Variants in LDLRAD4 observed in about 807,000 individuals in gnomAD.
LDLRAD4 encodes the protein low density lipoprotein receptor class A domain containing 4, also known as low-density lipoprotein receptor class A domain-containing protein 4.
A neutral mutation model predicts 17.0 loss-of-function variants in LDLRAD4; 5 were observed. That is an observed-to-expected ratio of 0.29 (90% CI 0.15 to 0.62). The LOEUF is 0.62. Among genes scored for constraint, LDLRAD4 ranks in the 20% least tolerant of loss-of-function variants. LDLRAD4 has a pLI of 0.84. For synonymous variants in LDLRAD4, 168 were observed against 171.8 expected (o/e 0.98, Z 0.17); for missense variants, 340 against 424.7 (o/e 0.80, Z 1.75).
At chr18:13,406,523 G>A (rs1209033393) in intron 2 of LDLRAD4, among the ~76,000 whole-genome samples, 1 of 152,114 alleles carries the variant, frequency 6.6e-6, no homozygotes, top group Admixed American at 6.5e-5. Context: ...TCGATGCCGT[G>A]GTGCGCATGA....
At chr18:13,234,523 G>C (rs1467995825) in intron 1 of LDLRAD4, among the ~76,000 whole-genome samples, 1 of 152,180 alleles carries the variant, frequency 6.6e-6, no homozygotes. Flanking sequence ...GAGGATGGTG[G>C]GCAGGTCCAC....
At chr18:13,587,563 C>A (rs2094952509) in intron 3 of LDLRAD4, among the ~76,000 whole-genome samples, 1 of 152,220 alleles carries the variant, frequency 6.6e-6, no homozygotes, top group African/African-American at 2.4e-5. Context: ...CAGGCTTAGA[C>A]AATTTCAATT....
chr18:13,279,857 C>T (rs1198835834), intron 1 of LDLRAD4: 1 of 152,260 alleles, frequency 6.6e-6, no homozygotes, highest in Non-Finnish European at 1.5e-5. Flanking sequence ...GTCGTAAGAA[C>T]TTTCACACCT....
chr18:13,453,879 C>T (rs933327775), intron 3 of LDLRAD4, among the ~76,000 whole-genome samples: 1 of 152,240 alleles, frequency 6.6e-6, no homozygotes, highest in Non-Finnish European at 1.5e-5. Context: ...TCTAGCACCT[C>T]GTGGCGCCTT....
intron 3 of LDLRAD4, among the ~76,000 whole-genome samples, chr18:13,569,175 GC>G (rs1437754927): frequency 6.6e-6 from 1 of 152,160 alleles, no homozygotes; most frequent in Non-Finnish European, 1.5e-5. Context: ...CTAGAGAAGC[GC>G]CCTTTGCCCT....
At chr18:13,555,294 A>G (rs977386635) in intron 3 of LDLRAD4, among the ~76,000 whole-genome samples, 2 of 152,210 alleles carry the variant, frequency 1.3e-5, no homozygotes, top group African/African-American at 4.8e-5. Context: ...AAGAGGAAAG[A>G]ATGTCATTCA....
chr18:13,402,231 T>C (rs2145537492), intron 2 of LDLRAD4, among the ~76,000 whole-genome samples: 1 of 152,362 alleles, frequency 6.6e-6, no homozygotes. Flanking sequence ...TCCTGGTTTC[T>C]GTGCAGGTGT....
At chr18:13,389,619 A>G (rs566503413) in intron 2 of LDLRAD4, among the ~76,000 whole-genome samples, 2 of 152,328 alleles carry the variant, frequency 1.3e-5, no homozygotes, top group Admixed American at 6.5e-5. Context: ...TGCCCTGACC[A>G]TGGACCTGAC....
chr18:13,508,955 A>G (rs1190535829), intron 3 of LDLRAD4, among the ~76,000 whole-genome samples: 1 of 152,224 alleles, frequency 6.6e-6, no homozygotes, highest in Non-Finnish European at 1.5e-5. Context: ...TCTGAAAAGG[A>G]TTCCTCATTC....
intron 3 of LDLRAD4, chr18:13,526,303 C>G (rs2094030953): frequency 2.0e-5 from 3 of 152,114 alleles, no homozygotes; most frequent in Non-Finnish European, 4.4e-5. Flanking sequence ...CCCGGATAAG[C>G]TGGGGCATGT....
intron 2 of LDLRAD4, among the ~76,000 whole-genome samples, chr18:13,432,702 T>G (rs982673350): frequency 3.3e-5 from 5 of 152,214 alleles, no homozygotes; most frequent in African/African-American, 1.2e-4. Flanking sequence ...ATTTTCCATC[T>G]TCACTGAATT....
intron 3 of LDLRAD4, among the ~76,000 whole-genome samples, chr18:13,582,703 A>G (rs1263319416): frequency 6.6e-6 from 1 of 151,980 alleles, no homozygotes; most frequent in Admixed American, 6.6e-5. Context: ...CTCTGCACTT[A>G]TTTATTTATT....
intron 3 of LDLRAD4, among the ~76,000 whole-genome samples, chr18:13,582,086 G>A (rs866653582): frequency 1.4e-4 from 22 of 152,098 alleles, no homozygotes; most frequent in Non-Finnish European, 1.2e-4. Flanking sequence ...TAGCTCTCAT[G>A]CATCTGTAAT....
At position 13,321,340 on chromosome 18, in the gene LDLRAD4, T is replaced by C. The variant is rs117497091; in HGVS notation, c.-383+43152T>C. On this transcript the variant is annotated intron_variant, in intron 1 of 5. Coordinates refer to ENST00000359446, the Ensembl canonical transcript of LDLRAD4. ...TAGCTGCAAACGTTTCCAAAGCCTATCTCTGGGCCTATCGCCGTGTGATGT... is the reference window on the plus strand; with the variant it reads ...TAGCTGCAAACGTTTCCAAAGCCTACCTCTGGGCCTATCGCCGTGTGATGT... Among the ~76,000 whole-genome samples, 505 of 152,360 alleles carry C rather than the reference T, an allele frequency of 3.3e-3. 4 individuals are homozygous for C. Among genetic ancestry groups the C allele is most frequent in the Non-Finnish European group, 5.5e-3 (373 of 68,028 alleles).
intron 3 of LDLRAD4, among the ~76,000 whole-genome samples, chr18:13,548,846 T>C (rs1291273544): frequency 6.6e-6 from 1 of 152,270 alleles, no homozygotes; most frequent in Non-Finnish European, 1.5e-5. Flanking sequence ...GCCAGCATCA[T>C]GGCAGCGGCC....
chr18:13,403,513 C>T (rs1383404687), intron 2 of LDLRAD4, among the ~76,000 whole-genome samples: 2 of 152,204 alleles, frequency 1.3e-5, no homozygotes, highest in African/African-American at 4.8e-5. Context: ...TTGGCAGTTC[C>T]TGCATTGTGA....
chr18:13,238,618 C>T (rs1484550875), intron 1 of LDLRAD4, among the ~76,000 whole-genome samples: 1 of 152,164 alleles, frequency 6.6e-6, no homozygotes, highest in Non-Finnish European at 1.5e-5. Context: ...GGCCAGAGGG[C>T]GTGGACTGCA....
intron 3 of LDLRAD4, among the ~76,000 whole-genome samples, chr18:13,550,633 C>G (rs1322346277): frequency 6.6e-6 from 1 of 152,244 alleles, no homozygotes; most frequent in African/African-American, 2.4e-5. Context: ...CGCCGAGCAG[C>G]CTTCCACAGT....
At position 13,363,147 on chromosome 18, in the gene LDLRAD4, G is replaced by A. The variant is rs1010422513; in HGVS notation, c.-382-24194G>A. On this transcript the variant is annotated intron_variant, in intron 1 of 5. Transcript: ENST00000359446. Reference sequence around the variant, plus strand: ...AGATTGAGACCATCCTGGCTACCACGGTGAAACCCCGTGTCTGCTAAAAAT... The same window carrying A: ...AGATTGAGACCATCCTGGCTACCACAGTGAAACCCCGTGTCTGCTAAAAAT... 2.6e-5 allele frequency among the ~76,000 whole-genome samples: 4 copies of A among 152,162 alleles called. No homozygotes were observed. In the East Asian group the frequency reaches 7.7e-4, roughly 29 times the overall value.
Sources: gnomAD v4.1 joint callset for allele counts (sites outside exome capture counted in the v4.1 genomes callset) on GRCh38, gnomAD v4.1.1 for gene constraint, MANE v1.5 for transcripts, NCBI Gene and HGNC (gene_info 2026-07-23, HGNC 2026-07-21) for gene names.